The following AKR1D1 variants were observed in gnomAD, a reference collection of about 807,000 sequenced individuals.
AKR1D1 encodes aldo-keto reductase family 1 member D1.
Under a neutral mutation model 42.6 loss-of-function variants are expected in AKR1D1, and 32 were observed. The observed-to-expected ratio is 0.75, with a 90% CI of 0.57 to 1.01. The LOEUF (loss-of-function observed/expected upper bound fraction) is 1.01. AKR1D1 is among the 50% of genes least tolerant of loss of function. The probability of loss-of-function intolerance (pLI) is 0.00; values close to 1 mark genes in which losing one functional copy is unlikely to be tolerated. For missense variants in AKR1D1, 364 were observed against 402.2 expected, an observed-to-expected ratio of 0.91 and a Z score of 0.81; for synonymous variants, 123 against 135.5, an observed-to-expected ratio of 0.91 and a Z score of 0.64.
chr7:138,107,779 G>C (rs1794462965), intron 7 of AKR1D1, among the ~76,000 whole-genome samples, 199 bp downstream of exon 7: 1 of 152,006 alleles, frequency 6.6e-6, no homozygotes. Flanking sequence ...AGATTGCTTT[G>C]CTACTTGTAC....
intron 3 of AKR1D1, among the ~76,000 whole-genome samples, chr7:138,097,437 G>C (rs962058006): frequency 6.6e-6 from 1 of 152,250 alleles, no homozygotes; most frequent in African/African-American, 2.4e-5. Flanking sequence ...GTCACAGAAA[G>C]CTCTGGAGAC....
At position 138,095,431 on chromosome 7, in the gene AKR1D1, T is replaced by C. The variant is rs554340119; in HGVS notation, c.379-2435T>C. ...AAGTTGAAAAGACATTGTCTTTCCC[T>C]AAAGCAGACAATGGGGAAAATGTTT... is the stretch of plus-strand genomic sequence containing the variant. On this transcript the variant is annotated intron_variant, in intron 3 of 8. Coordinates refer to ENST00000242375, the MANE Select transcript of AKR1D1 (RefSeq NM_005989.4). 2.6e-5 allele frequency among the ~76,000 whole-genome samples: 4 copies of C among 152,338 alleles called. No individual in the cohort carries two copies. The East Asian group carries it at 5.8e-4, about 22-fold the overall frequency.
chr7:138,117,899 A>T lies in AKR1D1; in HGVS notation c.*1237A>T, dbSNP rs781074780. 1.3e-5 allele frequency: 2 copies of T among 152,280 alleles called. No homozygotes were observed. Among genetic ancestry groups the T allele is most frequent in the African/African-American group, 2.4e-5 (1 of 41,526 alleles). The allele number at this position is 152,280 out of a possible 1,614,324, so 9.4% of individuals were successfully genotyped here. ...CCAGGCGCGGTGGCGGGGGCCTGTA[A>T]TCCCAGCTACTCAGGAGGCTGAGGC... On this transcript the variant is annotated 3_prime_UTR_variant, in exon 9 of 9. Coordinates refer to ENST00000242375, the MANE Select transcript of AKR1D1 (RefSeq NM_005989.4).
chr7:138,087,299 GC>G (rs1180846675), intron 1 of AKR1D1, among the ~76,000 whole-genome samples: 2 of 116,026 alleles, frequency 1.7e-5, no homozygotes, highest in Non-Finnish European at 4.0e-5. Flanking sequence ...CTCCCATTAG[GC>G]CCTACCTCCC....
chr7:138,094,863 T>C (rs527452955), intron 3 of AKR1D1, among the ~76,000 whole-genome samples: 1 of 152,326 alleles, frequency 6.6e-6, no homozygotes, highest in East Asian at 1.9e-4. Flanking sequence ...CAAAAAATCT[T>C]TTTTGCTAAA....
intron 4 of AKR1D1, among the ~76,000 whole-genome samples, chr7:138,104,536 A>G (rs928064415): frequency 6.6e-6 from 1 of 152,078 alleles, no homozygotes; most frequent in Non-Finnish European, 1.5e-5. Flanking sequence ...CATCTCTACT[A>G]AAAATATAAA....
chr7:138,089,184 CA>C (rs113138223), intron 2 of AKR1D1, among the ~76,000 whole-genome samples: 5 of 150,718 alleles, frequency 3.3e-5, no homozygotes, highest in Admixed American at 1.3e-4. Context: ...CTTGTCTCTA[CA>C]AAAAAAAATA....
In AKR1D1 at chr7:138,091,638, T is replaced by C. The variant is rs1036409815; in HGVS notation, c.262-130T>C. 5 of 712,136 alleles carry C rather than the reference T, an allele frequency of 7.0e-6. No homozygotes were observed. The African/African-American group carries it at 9.1e-5, about 13-fold the overall frequency. 44.1% of individuals were successfully genotyped at this position (712,136 alleles called of 1,614,324 possible). On this transcript the variant is annotated intron_variant, in intron 2 of 8. Transcript: ENST00000242375. ...TGAGCCCAGGAGTTAAAGACCAGCC[T>C]GGGCAACATAGTGAGACCCCCCATC...
chr7:138,091,645 C>T, intron 2 of AKR1D1, 123 bp from the exon 3 acceptor site: 1 of 730,708 alleles, frequency 1.4e-6, no homozygotes, highest in Non-Finnish European at 2.4e-6. Flanking sequence ...GCCTGGGCAA[C>T]ATAGTGAGAC....
intron 1 of AKR1D1, among the ~76,000 whole-genome samples, chr7:138,084,510 C>A (rs776911592): frequency 1.3e-5 from 2 of 151,940 alleles, no homozygotes; most frequent in Non-Finnish European, 2.9e-5. Flanking sequence ...TGTGCCACTG[C>A]GCCAGCATAA....
chr7:138,106,159 A>C lies in AKR1D1; in HGVS notation c.580-449A>C, dbSNP rs142304099. ...CCGTGTAGGCAAGTGATTAAATGCT[A>C]GTGAGTGCAAATTGGTTCAGCCTTA... is the stretch of plus-strand genomic sequence containing the variant. On this transcript the variant is annotated intron_variant, in intron 5 of 8. Transcript: ENST00000242375. 5.0e-3 allele frequency among the ~76,000 whole-genome samples: 762 copies of C among 152,334 alleles called. 5 individuals are homozygous for C. The highest frequency in any genetic ancestry group is 0.017 in the African/African-American group (709 of 41,576).
At chr7:138,103,684 AATATC>A (rs1794361647) in intron 4 of AKR1D1, among the ~76,000 whole-genome samples, 1 of 152,168 alleles carries the variant, frequency 6.6e-6, no homozygotes, top group Non-Finnish European at 1.5e-5. Flanking sequence ...TTACTATATT[AATATC>A]ATATAACACA....
chr7:138,109,276 T>C (rs1380551595), intron 7 of AKR1D1, among the ~76,000 whole-genome samples: 1 of 152,226 alleles, frequency 6.6e-6, no homozygotes, highest in African/African-American at 2.4e-5. Context: ...TTGGCTTGCA[T>C]AACTGGAAAG....
At chr7:138,110,849 T>G (rs909683867) in intron 7 of AKR1D1, among the ~76,000 whole-genome samples, 2 of 152,154 alleles carry the variant, frequency 1.3e-5, no homozygotes, top group African/African-American at 4.8e-5. Context: ...TTTTAAAAGT[T>G]AAAATTTTAA....
At chr7:138,081,239 C>G (rs1803049653) in intron 1 of AKR1D1, among the ~76,000 whole-genome samples, 1 of 152,188 alleles carries the variant, frequency 6.6e-6, no homozygotes, top group South Asian at 2.1e-4. Context: ...AAGAGTTATG[C>G]TGGCAGTGTG....
chr7:138,087,314 ACT>A (rs36119043), intron 1 of AKR1D1, among the ~76,000 whole-genome samples: 82,096 of 151,750 alleles, frequency 0.54, 22,625 homozygotes, highest in Middle Eastern at 0.61. Flanking sequence ...ACCTCCCAAC[ACT>A]GTTTGTCAAA....
intron 1 of AKR1D1, among the ~76,000 whole-genome samples, chr7:138,080,415 C>T (rs562144032): frequency 1.3e-5 from 2 of 152,232 alleles, no homozygotes; most frequent in East Asian, 1.9e-4. Flanking sequence ...TTATGCAATG[C>T]ACTTGTTGGC....
chr7:138,078,318 G>T (rs1361403824), intron 1 of AKR1D1, among the ~76,000 whole-genome samples: 16 of 152,154 alleles, frequency 1.1e-4, no homozygotes, highest in Admixed American at 1.0e-3. Context: ...TAGAAGCAAA[G>T]AAAGAGCATC....
chr7:138,095,998 C>T (rs532106228), intron 3 of AKR1D1, among the ~76,000 whole-genome samples: 11 of 150,704 alleles, frequency 7.3e-5, no homozygotes, highest in Admixed American at 2.0e-4. Flanking sequence ...CCTAGGAGTT[C>T]GAGACCAGCC....
Sources: gnomAD v4.1 joint callset for allele counts (sites outside exome capture counted in the v4.1 genomes callset) on GRCh38, gnomAD v4.1.1 for gene constraint, MANE v1.5 for transcripts, NCBI Gene and HGNC (gene_info 2026-07-23, HGNC 2026-07-21) for gene names.